The following CFAP61 variants were observed in gnomAD, a reference collection of about 807,000 sequenced individuals.
CFAP61 encodes the protein cilia and flagella associated protein 61.
In CFAP61, 107 loss-of-function variants were observed where a neutral mutation model predicts 135.6. The observed-to-expected ratio is 0.79, with a 90% CI of 0.67 to 0.93. CFAP61 has a LOEUF of 0.93. CFAP61 is among the 40% of genes least tolerant of loss of function. CFAP61 has a pLI of 0.00. For synonymous variants in CFAP61, 575 were observed against 578.5 expected, an observed-to-expected ratio of 0.99 and a Z score of 0.09; for missense variants, 1,507 against 1,556.2, an observed-to-expected ratio of 0.97 and a Z score of 0.53.
intron 6 of CFAP61, among the ~76,000 whole-genome samples, chr20:20,083,079 A>G (rs1476530039): frequency 2.6e-5 from 4 of 152,228 alleles, no homozygotes; most frequent in East Asian, 1.9e-4. Context: ...TTGCAAGGAT[A>G]TGGAACCAAC....
intron 25 of CFAP61, among the ~76,000 whole-genome samples, chr20:20,308,903 C>T (rs149755653): frequency 6.6e-6 from 1 of 152,256 alleles, no homozygotes; most frequent in African/African-American, 2.4e-5. Context: ...GCTGATGAGC[C>T]GTGGTTATCT....
In CFAP61 at chr20:20,071,976, C is replaced by T. The variant is rs571983746; in HGVS notation, c.294+972C>T. 7.9e-5 allele frequency among the ~76,000 whole-genome samples: 12 copies of T among 151,842 alleles called. No homozygotes were observed. In the South Asian group the frequency reaches 2.5e-3, roughly 32 times the overall value. On this transcript the variant is annotated intron_variant, in intron 3 of 26. Transcript: ENST00000245957. ...CAATTCTGTAGGAATGGTGATTAGC[C>T]TGTAGATTTTTGTCCATTAGGATGT...
chr20:20,110,805 A>G (rs915225357), intron 8 of CFAP61, among the ~76,000 whole-genome samples: 1 of 152,160 alleles, frequency 6.6e-6, no homozygotes, highest in East Asian at 1.9e-4. Context: ...ATCTATTGTG[A>G]TGATGACTAT....
intron 2 of CFAP61, among the ~76,000 whole-genome samples, chr20:20,063,134 T>A (rs1383899503): frequency 6.6e-6 from 1 of 152,254 alleles, no homozygotes; most frequent in Non-Finnish European, 1.5e-5. Flanking sequence ...CAAGTGCCTT[T>A]ATAAGCAGTC....
chr20:20,101,817 CAG>C (rs970804324), intron 8 of CFAP61, among the ~76,000 whole-genome samples: 25 of 152,048 alleles, frequency 1.6e-4, no homozygotes, highest in Admixed American at 5.2e-4. Flanking sequence ...TTAGTAGAGA[CAG>C]AGTTCATCAT....
At chr20:20,171,818 A>C (rs996197) in intron 13 of CFAP61, 565,937 of 704,440 alleles carry the variant, frequency 0.8, 232,202 homozygotes, top group Middle Eastern at 0.87. Flanking sequence ...GCATCACCAG[A>C]GTGTCAAAGG....
chr20:20,090,819 G>C (rs527808247), intron 6 of CFAP61, 25 bp from the exon 7 acceptor site: 20 of 1,611,866 alleles, frequency 1.2e-5, no homozygotes, highest in Non-Finnish European at 6.8e-6. Flanking sequence ...AACGAACACT[G>C]AACTTCAGCC....
chr20:20,154,544 C>G (rs911393603), intron 9 of CFAP61, among the ~76,000 whole-genome samples: 1 of 152,052 alleles, frequency 6.6e-6, no homozygotes, highest in Admixed American at 6.5e-5. Context: ...AGTAGCACTG[C>G]TATACACCAA....
chr20:20,239,011 G>A (rs545649136), intron 18 of CFAP61, among the ~76,000 whole-genome samples: 5 of 151,866 alleles, frequency 3.3e-5, no homozygotes, highest in South Asian at 2.1e-4. Flanking sequence ...GAGGGCTCAC[G>A]GTGATGTTAG....
chr20:20,243,521 TCCA>T (rs778970756), intron 18 of CFAP61, among the ~76,000 whole-genome samples: 16 of 151,236 alleles, frequency 1.1e-4, no homozygotes, highest in Non-Finnish European at 1.6e-4. Flanking sequence ...CACTGCAACC[TCCA>T]CCTCCCCAGT....
intron 10 of CFAP61, among the ~76,000 whole-genome samples, chr20:20,162,942 G>C (rs1447048027): frequency 6.6e-6 from 1 of 152,256 alleles, no homozygotes; most frequent in African/African-American, 2.4e-5. Flanking sequence ...ATAAGATGTG[G>C]GGAAGAGGGT....
chr20:20,323,510 A>G lies in CFAP61; in HGVS notation c.3423-18321A>G, dbSNP rs994466058. ...ACGTGAAAGTCTCAGTTCAGCAGAT[A>G]GACAGAAGTTGAAGAGTATTGATGG... is the stretch of plus-strand genomic sequence containing the variant. On this transcript the variant is annotated intron_variant, in intron 25 of 26. Coordinates refer to ENST00000245957, the MANE Select transcript of CFAP61 (RefSeq NM_015585.4). 7.1e-5 allele frequency: 12 copies of G among 169,418 alleles called. 1 individual carries two copies. In the South Asian group the frequency reaches 7.8e-4, roughly 11 times the overall value. The allele number at this position is 169,418 out of a possible 1,614,324, so 10.5% of individuals were successfully genotyped here. A position where few individuals can be genotyped will look rare whatever the true frequency, so the allele number is the denominator to read the frequency against.
intron 6 of CFAP61, among the ~76,000 whole-genome samples, chr20:20,084,961 C>T (rs1054054856): frequency 6.6e-6 from 1 of 152,126 alleles, no homozygotes; most frequent in South Asian, 2.1e-4. Flanking sequence ...TTGTTTCCTC[C>T]AGGGAAGTTA....
intron 25 of CFAP61, among the ~76,000 whole-genome samples, chr20:20,298,799 C>T (rs1437085885): frequency 6.6e-6 from 1 of 152,204 alleles, no homozygotes; most frequent in Non-Finnish European, 1.5e-5. Context: ...GTGACCCCAG[C>T]CTTCCTCCTC....
At chr20:20,322,631 C>G (rs1180442292) in intron 25 of CFAP61, 3 of 959,616 alleles carry the variant, frequency 3.1e-6, no homozygotes. Flanking sequence ...GTATCATTAA[C>G]TCCCTTCCCT....
At chr20:20,252,123 G>A (rs1163454359) in intron 20 of CFAP61, among the ~76,000 whole-genome samples, 2 of 152,268 alleles carry the variant, frequency 1.3e-5, no homozygotes, top group African/African-American at 4.8e-5. Context: ...GCCTCAAGAG[G>A]CTAACATTTG....
At chr20:20,120,925 T>C (rs967365395) in intron 8 of CFAP61, among the ~76,000 whole-genome samples, 15 of 152,272 alleles carry the variant, frequency 9.9e-5, no homozygotes, top group African/African-American at 3.6e-4. Flanking sequence ...GTCAATTTCA[T>C]CTGATATTAA....
At chr20:20,355,143 T>TTGTGAGAGGGAAGGGGGTCAC (rs2059039120) in intron 26 of CFAP61, among the ~76,000 whole-genome samples, 1 of 65,776 alleles carries the variant, frequency 1.5e-5, no homozygotes, top group African/African-American at 5.8e-5. Flanking sequence ...GGTGGTCACA[T>TTGTGAGAGGGAAGGGGGTCAC]TGTGAGAGGG....
At chr20:20,139,361 G>A (rs868404793) in intron 8 of CFAP61, among the ~76,000 whole-genome samples, 5 of 152,168 alleles carry the variant, frequency 3.3e-5, no homozygotes, top group African/African-American at 9.7e-5. Context: ...TGGTAAACCC[G>A]CTTCAGATAA....
Sources: gnomAD v4.1 joint callset for allele counts (sites outside exome capture counted in the v4.1 genomes callset) on GRCh38, gnomAD v4.1.1 for gene constraint, MANE v1.5 for transcripts, NCBI Gene and HGNC (gene_info 2026-07-23, HGNC 2026-07-21) for gene names.